ZPBP: variants seen among roughly 807,000 people sequenced by gnomAD.
The protein encoded by ZPBP is zona pellucida-binding protein 1.
In ZPBP, 26 loss-of-function variants were observed where a neutral mutation model predicts 44.8. That is an observed-to-expected ratio of 0.58 (90% confidence interval 0.43 to 0.81). The LOEUF (loss-of-function observed/expected upper bound fraction) is 0.81, where lower values mean the gene tolerates loss of function less well. ZPBP is among the 30% of genes least tolerant of loss of function. The pLI, the probability that ZPBP is intolerant of heterozygous loss-of-function variation, is 0.00. For missense variants in ZPBP, 409 were observed against 434.0 expected (o/e 0.94, Z 0.51); for synonymous variants, 174 against 153.2 (o/e 1.14, Z -1.00).
At chr7:50,055,459 T>C (rs2128828500) in intron 4 of ZPBP, among the ~76,000 whole-genome samples, 1 of 152,238 alleles carries the variant, frequency 6.6e-6, no homozygotes, top group African/African-American at 2.4e-5. Context: ...GTGGTGTACA[T>C]AGTAGGATAT....
At chr7:49,998,167 C>G (rs757505825) in intron 6 of ZPBP, among the ~76,000 whole-genome samples, 4 of 152,214 alleles carry the variant, frequency 2.6e-5, no homozygotes, top group African/African-American at 7.2e-5. Flanking sequence ...CCACCCACCT[C>G]GGTCTCCCAA....
the ZPBP span, among the ~76,000 whole-genome samples, chr7:49,844,055 G>A: frequency 6.6e-6 from 1 of 152,320 alleles, no homozygotes; most frequent in Non-Finnish European, 1.5e-5. Flanking sequence ...AAGGTTGGCA[G>A]CACAGGAGGA....
chr7:49,924,826 C>CCCAAATTTGGGGAGTCG (rs1794167928), intron 1 of ZPBP, among the ~76,000 whole-genome samples: 1 of 152,180 alleles, frequency 6.6e-6, no homozygotes, highest in South Asian at 2.1e-4. Context: ...TGCCCAAGGA[C>CCCAAATTTGGGGAGTCG]TTCAGGATTT....
chr7:49,868,910 C>T lies in ZPBP; in HGVS notation n.510-18396G>A, dbSNP rs146156585. Among the ~76,000 whole-genome samples the T allele has an allele frequency of 3.2e-3, 484 of 152,348 alleles. 6 individuals are homozygous for T. The highest frequency in any genetic ancestry group is 0.011 in the African/African-American group (451 of 41,590). On this transcript the variant is annotated intron_variant and non_coding_transcript_variant, in intron 2 of 2. Transcript: ENST00000465922. ...CTGGGATTACGGGCATGAGCCACTG[C>T]ACCTGGCCTGGGAGATCTTTAAAAA... is the stretch of plus-strand genomic sequence containing the variant.
chr7:50,066,071 A>G (rs745747659), intron 3 of ZPBP, among the ~76,000 whole-genome samples: 1 of 150,894 alleles, frequency 6.6e-6, no homozygotes, highest in Non-Finnish European at 1.5e-5. Context: ...CTGGGCATCC[A>G]ATTTGTGGTT....
intron 2 of ZPBP, among the ~76,000 whole-genome samples, chr7:49,898,689 A>G (rs1200630148): frequency 1.3e-5 from 2 of 152,148 alleles, no homozygotes; most frequent in Non-Finnish European, 2.9e-5. Context: ...GAATGACAGC[A>G]GTAGGACAAT....
At chr7:49,919,369 A>G (rs1583840244) in intron 1 of ZPBP, 1 of 152,330 alleles carries the variant, frequency 6.6e-6, no homozygotes, top group Non-Finnish European at 1.5e-5. Flanking sequence ...TTTTGCATTA[A>G]AGTCATAAAC....
intron 7 of ZPBP, among the ~76,000 whole-genome samples, chr7:49,970,466 C>CTTTTTTTTTTTTTTTTTTTT (rs771955717): frequency 2.3e-5 from 2 of 85,200 alleles, no homozygotes; most frequent in African/African-American, 4.8e-5. Flanking sequence ...GCTGAATATA[C>CTTTTTTTTTTTTTTTTTTTT]TTTTTTTTTT....
At chr7:50,026,734 A>T (rs1562854726) in intron 5 of ZPBP, among the ~76,000 whole-genome samples, 2 of 151,844 alleles carry the variant, frequency 1.3e-5, no homozygotes, top group Non-Finnish European at 2.9e-5. Flanking sequence ...AAACAAACAA[A>T]AAAACCACAC....
chr7:50,009,948 G>C (rs1267998109), intron 6 of ZPBP, among the ~76,000 whole-genome samples: 2 of 152,030 alleles, frequency 1.3e-5, no homozygotes, highest in African/African-American at 4.8e-5. Context: ...TAAAAGATCT[G>C]TATACTGAAA....
chr7:49,978,943 T>A (rs942677827), intron 7 of ZPBP, among the ~76,000 whole-genome samples: 2 of 152,126 alleles, frequency 1.3e-5, no homozygotes, highest in East Asian at 3.9e-4. Context: ...CTTAATAGCT[T>A]ACAGGAATGA....
At chr7:49,880,386 A>G (rs1027430834) in intron 2 of ZPBP, among the ~76,000 whole-genome samples, 2 of 151,752 alleles carry the variant, frequency 1.3e-5, no homozygotes, top group Non-Finnish European at 2.9e-5. Flanking sequence ...GGTTTCTTTC[A>G]TGTTACCATG....
the ZPBP span, among the ~76,000 whole-genome samples, chr7:49,842,292 T>C: frequency 6.6e-6 from 1 of 152,214 alleles, no homozygotes; most frequent in Non-Finnish European, 1.5e-5. Context: ...TGAGAGATGT[T>C]ATCATTCAGG....
intron 2 of ZPBP, among the ~76,000 whole-genome samples, chr7:49,884,414 C>A (rs540381456): frequency 1.1e-4 from 17 of 152,252 alleles, no homozygotes; most frequent in African/African-American, 3.9e-4. Flanking sequence ...GTCTCCTTGA[C>A]TAAAATTGGG....
intron 7 of ZPBP, among the ~76,000 whole-genome samples, chr7:49,948,502 T>A (rs538619021): frequency 2.0e-5 from 3 of 152,184 alleles, no homozygotes; most frequent in African/African-American, 7.2e-5. Flanking sequence ...ATTTTTTTTT[T>A]GAATTTTAAA....
At chr7:49,918,331 G>A (rs1178710089) in intron 1 of ZPBP, 1 of 152,140 alleles carries the variant, frequency 6.6e-6, no homozygotes, top group Non-Finnish European at 1.5e-5. Flanking sequence ...GGGACCTCTA[G>A]AAAATAGACA....
intron 2 of ZPBP, among the ~76,000 whole-genome samples, chr7:50,088,205 T>C (rs996419178): frequency 6.6e-6 from 1 of 151,986 alleles, no homozygotes. Context: ...CAAATGGTGA[T>C]AAAACAACTC....
rs1039705421 is a variant in ZPBP, at chr7:50,073,083, C to T, written c.334+8691G>A. 5.9e-5 allele frequency among the ~76,000 whole-genome samples: 9 copies of T among 152,070 alleles called. No homozygotes were observed. The South Asian group carries it at 1.9e-3, about 32-fold the overall frequency. On this transcript the variant is annotated intron_variant, in intron 3 of 7. Transcript: ENST00000046087. ...AATAAACTAAATACCAGGGACCAAT[C>T]CTGGAAAAACAGAGATATGTGACCT...
rs1206931655 is a variant in ZPBP, at chr7:50,009,249, A to AAG, written c.783+8989_783+8990dup. Among the ~76,000 whole-genome samples the AAG allele has an allele frequency of 2.0e-5, 3 of 151,024 alleles. No homozygotes were observed. In the East Asian group the frequency reaches 5.8e-4, roughly 29 times the overall value. On this transcript the variant is annotated intron_variant, in intron 6 of 7. Transcript: ENST00000046087. ...GACTCTGTCTCAAAAAAAAAAAAAA[A>AAG]AGCACATACTGATTGGGTATGTTTT...
Sources: allele counts gnomAD v4.1 joint callset (sites outside exome capture counted in the v4.1 genomes callset), GRCh38; gene constraint gnomAD v4.1.1; transcripts MANE v1.5; gene names NCBI Gene and HGNC (gene_info 2026-07-23, HGNC 2026-07-21).